Variants in RBFOX1 observed in about 807,000 individuals in gnomAD.
RBFOX1 encodes RNA binding protein fox-1 homolog 1.
A neutral mutation model predicts 57.7 loss-of-function variants in RBFOX1; 8 were observed. That is an observed-to-expected ratio of 0.14 (90% CI 0.08 to 0.25). The LOEUF (loss-of-function observed/expected upper bound fraction) is 0.25, where lower values mean the gene tolerates loss of function less well. Among genes scored for constraint, RBFOX1 ranks in the 10% least tolerant of loss-of-function variants. RBFOX1 has a pLI of 1.00. For missense variants in RBFOX1, 611 were observed against 548.5 expected, an observed-to-expected ratio of 1.11 and a Z score of -1.14; for synonymous variants, 326 against 222.4, an observed-to-expected ratio of 1.47 and a Z score of -4.15.
intron 3 of RBFOX1, among the ~76,000 whole-genome samples, chr16:6,844,324 T>C (rs2093646573): frequency 1.3e-5 from 2 of 152,162 alleles, no homozygotes. Context: ...CTGGTGTTCA[T>C]TAGGTATTCT....
chr16:5,779,343 C>A (rs2054252399), intron 3 of RBFOX1, among the ~76,000 whole-genome samples: 2 of 152,126 alleles, frequency 1.3e-5, no homozygotes, highest in Admixed American at 6.5e-5. Context: ...ATCTCTGCTC[C>A]CTCCTGCATT....
At chr16:7,378,343 A>AT (rs1462394191) in intron 4 of RBFOX1, among the ~76,000 whole-genome samples, 3 of 152,024 alleles carry the variant, frequency 2.0e-5, no homozygotes, top group Non-Finnish European at 4.4e-5. Flanking sequence ...CGGTTTAGGG[A>AT]TTGAGAGTAT....
chr16:5,416,904 A>C (rs1427352185), intron 1 of RBFOX1, among the ~76,000 whole-genome samples: 1 of 152,180 alleles, frequency 6.6e-6, no homozygotes, highest in Non-Finnish European at 1.5e-5. Flanking sequence ...CTGATAGACT[A>C]TCTGCCCTCC....
chr16:5,857,247 C>T (rs2057094667), intron 3 of RBFOX1, among the ~76,000 whole-genome samples: 1 of 152,074 alleles, frequency 6.6e-6, no homozygotes, highest in Non-Finnish European at 1.5e-5. Flanking sequence ...AGGTAAACCT[C>T]CCATCCTATG....
chr16:7,214,653 G>C (rs1381154398), intron 4 of RBFOX1, among the ~76,000 whole-genome samples: 1 of 151,994 alleles, frequency 6.6e-6, no homozygotes, highest in African/African-American at 2.4e-5. Context: ...AAACTCTTCT[G>C]TGGCTGCTCT....
At chr16:6,531,019 C>A (rs1021530244) in intron 2 of RBFOX1, among the ~76,000 whole-genome samples, 1 of 152,146 alleles carries the variant, frequency 6.6e-6, no homozygotes. Context: ...GGCCATTGTC[C>A]CCCACCTTGC....
intron 4 of RBFOX1, among the ~76,000 whole-genome samples, chr16:7,246,994 C>T (rs771241790): frequency 6.6e-6 from 1 of 152,112 alleles, no homozygotes; most frequent in Non-Finnish European, 1.5e-5. Flanking sequence ...TCCTATTGGT[C>T]CCCAGCAATC....
chr16:6,694,732 A>G (rs748594573), intron 3 of RBFOX1, among the ~76,000 whole-genome samples: 1 of 152,172 alleles, frequency 6.6e-6, no homozygotes, highest in Non-Finnish European at 1.5e-5. Flanking sequence ...TCCATTGGTA[A>G]TAGGTATAAA....
At chr16:7,136,404 A>AT (rs35623726) in intron 4 of RBFOX1, among the ~76,000 whole-genome samples, 5,456 of 110,926 alleles carry the variant, frequency 0.049, 214 homozygotes, top group African/African-American at 0.097. Context: ...TCATCTTGGG[A>AT]TTTTTTTTTT....
Position 6,483,383 on chromosome 16 carries a change from G to T in RBFOX1, c.-64+166326G>T, listed in dbSNP as rs926696806. ...GCGAGCGAAGGCGCGCGGCGCGCACGACAGATGACTGGAGTCATTTACATT... is the reference window on the plus strand; with the variant it reads ...GCGAGCGAAGGCGCGCGGCGCGCACTACAGATGACTGGAGTCATTTACATT... On this transcript the variant is annotated intron_variant, in intron 2 of 15. Coordinates refer to ENST00000550418, the MANE Select transcript of RBFOX1 (RefSeq NM_018723.4). 1.1e-5 allele frequency: 17 copies of T among 1,526,506 alleles called. No individual in the cohort carries two copies. In the African/African-American group the frequency reaches 1.2e-4, roughly 11 times the overall value. 94.6% of individuals were successfully genotyped at this position (1,526,506 alleles called of 1,614,324 possible).
At chr16:6,153,099 T>C (rs1048795742) in intron 1 of RBFOX1, among the ~76,000 whole-genome samples, 5 of 150,472 alleles carry the variant, frequency 3.3e-5, no homozygotes, top group Non-Finnish European at 7.4e-5. Flanking sequence ...GAACAAGTGG[T>C]GTTTGGTTAC....
At chr16:6,571,746 C>T (rs113313597) in intron 2 of RBFOX1, among the ~76,000 whole-genome samples, 1 of 152,102 alleles carries the variant, frequency 6.6e-6, no homozygotes, top group Non-Finnish European at 1.5e-5. Flanking sequence ...GAAGAATGCA[C>T]CAGCAGAGTT....
At chr16:6,641,753 AAAAAAAAAAAAAAAAAAAAAAAAAAT>A (rs1455326981) in intron 2 of RBFOX1, among the ~76,000 whole-genome samples, 95 of 21,620 alleles carry the variant, frequency 4.4e-3, no homozygotes, top group African/African-American at 0.012. Flanking sequence ...AAAAAAAAAA[AAAAAAAAAAAAAAAAAAAAAAAAAAT>A]AGGTTCTGCC....
intron 3 of RBFOX1, among the ~76,000 whole-genome samples, chr16:6,690,211 GTTTAC>G (rs1210410138): frequency 3.3e-5 from 5 of 152,092 alleles, no homozygotes; most frequent in African/African-American, 4.8e-5. Context: ...TTCAAAAAGA[GTTTAC>G]TTTAAAGAGC....
At chr16:6,904,023 GC>G (rs1244023143) in intron 3 of RBFOX1, among the ~76,000 whole-genome samples, 10 of 152,092 alleles carry the variant, frequency 6.6e-5, no homozygotes, top group African/African-American at 2.4e-4. Context: ...GCCTACAAAT[GC>G]CCCCACCTGA....
chr16:5,249,170 G>A (rs2062381560), intron 1 of RBFOX1, among the ~76,000 whole-genome samples: 1 of 152,124 alleles, frequency 6.6e-6, no homozygotes, highest in Non-Finnish European at 1.5e-5. Context: ...CGCTTTGTGT[G>A]TTTTCCTTTT....
rs536591234 is a variant in RBFOX1, at chr16:6,721,528, A to G, written c.-16+66878A>G. On this transcript the variant is annotated intron_variant, in intron 3 of 15. Transcript: ENST00000550418. The stretch of plus-strand genomic sequence containing the variant: ...ATGCATTCATATTTTTGTATAACCA[A>G]TCTGCAGAACTTTTTCATCTTGTAA... Among the ~76,000 whole-genome samples, 10 of 152,114 alleles carry G rather than the reference A, an allele frequency of 6.6e-5. 1 individual carries two copies. In the South Asian group the frequency reaches 1.9e-3, roughly 28 times the overall value.
chr16:6,481,618 A>T (rs572221947), intron 2 of RBFOX1, among the ~76,000 whole-genome samples: 108 of 152,336 alleles, frequency 7.1e-4, no homozygotes, highest in African/African-American at 2.5e-3. Context: ...AGGGTTCTGG[A>T]TAAGCGAAAG....
chr16:6,131,676 T>A (rs1009970926), intron 1 of RBFOX1, among the ~76,000 whole-genome samples: 6 of 152,238 alleles, frequency 3.9e-5, no homozygotes, highest in African/African-American at 1.4e-4. Flanking sequence ...TAAAGGTATT[T>A]TACTGACTAA....
Sources: gnomAD v4.1 joint callset for allele counts (sites outside exome capture counted in the v4.1 genomes callset) on GRCh38, gnomAD v4.1.1 for gene constraint, MANE v1.5 for transcripts, NCBI Gene and HGNC (gene_info 2026-07-23, HGNC 2026-07-21) for gene names.